PARN: variants seen among roughly 807,000 people sequenced by gnomAD.
The protein encoded by PARN is poly(A)-specific ribonuclease.
A neutral mutation model predicts 102.8 loss-of-function variants in PARN; 71 were observed. That is an observed-to-expected ratio of 0.69 (90% CI 0.57 to 0.84). The LOEUF (loss-of-function observed/expected upper bound fraction) is 0.84, where lower values mean the gene tolerates loss of function less well. PARN is among the 40% of genes least tolerant of loss of function. The pLI is 0.00. For missense variants in PARN, 782 were observed against 760.9 expected, an observed-to-expected ratio of 1.03 and a Z score of -0.33; for synonymous variants, 261 against 252.9, an observed-to-expected ratio of 1.03 and a Z score of -0.30.
intron 21 of PARN, among the ~76,000 whole-genome samples, chr16:14,543,367 T>C (rs1479323202): frequency 6.6e-6 from 1 of 152,208 alleles, no homozygotes; most frequent in Non-Finnish European, 1.5e-5. Flanking sequence ...GAAACCTGGA[T>C]CTTCAGGCAT....
At chr16:14,497,363 C>T (rs1428350393) in intron 21 of PARN, among the ~76,000 whole-genome samples, 1 of 152,186 alleles carries the variant, frequency 6.6e-6, no homozygotes, top group African/African-American at 2.4e-5. Context: ...TCACAGCCTG[C>T]GTGTAACTGA....
intron 22 of PARN, among the ~76,000 whole-genome samples, chr16:14,466,024 G>GA (rs1201976224): frequency 6.6e-6 from 1 of 152,080 alleles, no homozygotes; most frequent in African/African-American, 2.4e-5. Context: ...AGGAGGATCA[G>GA]AAAAAAGTAA....
intron 7 of PARN, 103 bp downstream of exon 7, chr16:14,610,541 C>T (rs1215354517): frequency 1.0e-5 from 7 of 667,022 alleles, no homozygotes; most frequent in Non-Finnish European, 1.8e-5. Context: ...ACATCACACC[C>T]GTGTGTGTAC....
intron 21 of PARN, among the ~76,000 whole-genome samples, chr16:14,493,528 A>G (rs997803801): frequency 6.6e-6 from 1 of 152,202 alleles, no homozygotes. Flanking sequence ...CTCATTCAAT[A>G]AACACTGGCA....
chr16:14,561,330 T>C (rs112894234), intron 18 of PARN, among the ~76,000 whole-genome samples: 20 of 152,194 alleles, frequency 1.3e-4, no homozygotes, highest in Admixed American at 4.6e-4. Context: ...ACCTGGGAAC[T>C]TGTTAGAGAT....
chr16:14,475,565 A>C (rs749030271), intron 22 of PARN, among the ~76,000 whole-genome samples: 1 of 152,220 alleles, frequency 6.6e-6, no homozygotes, highest in Non-Finnish European at 1.5e-5. Context: ...GAAAGAAAAG[A>C]AGCACACTGC....
At chr16:14,564,263 T>C (rs536340612) in intron 18 of PARN, among the ~76,000 whole-genome samples, 260 of 152,352 alleles carry the variant, frequency 1.7e-3, no homozygotes, top group Non-Finnish European at 3.0e-3. Flanking sequence ...GTGCTCAGGA[T>C]ACAACATCCC....
intron 18 of PARN, among the ~76,000 whole-genome samples, chr16:14,575,348 G>T (rs975892942): frequency 6.6e-6 from 1 of 152,210 alleles, no homozygotes; most frequent in Non-Finnish European, 1.5e-5. Flanking sequence ...GAGGGAGGTT[G>T]TAACCCTGCA....
At chr16:14,608,565 T>G (rs1019931713) in intron 8 of PARN, among the ~76,000 whole-genome samples, 1 of 152,164 alleles carries the variant, frequency 6.6e-6, no homozygotes. Flanking sequence ...ATCAAAATAT[T>G]GCTTCCTGCA....
chr16:14,593,414 A>G (rs544325650), intron 12 of PARN, 36 bp from the exon 13 acceptor site: 4 of 996,582 alleles, frequency 4.0e-6, no homozygotes, highest in South Asian at 2.6e-5. Flanking sequence ...AGACTTCTAC[A>G]TTCGAAATTA....
intron 7 of PARN, among the ~76,000 whole-genome samples, chr16:14,610,244 G>A (rs966286231): frequency 2.2e-4 from 33 of 152,132 alleles, no homozygotes; most frequent in African/African-American, 7.0e-4. Context: ...AGGCTGAGGC[G>A]GGCAGATCAC....
At chr16:14,602,174 C>T (rs934198062) in intron 11 of PARN, 1 of 151,990 alleles carries the variant, frequency 6.6e-6, no homozygotes, top group Non-Finnish European at 1.5e-5. Context: ...GGGCTGAATC[C>T]AACAGCCATG....
At position 14,586,368 on chromosome 16, in the gene PARN, A is replaced by G. The variant is rs1184111391; in HGVS notation, c.919-7T>C. 7 of 1,505,678 alleles carry G rather than the reference A, an allele frequency of 4.6e-6. No homozygotes were observed. The highest frequency in any genetic ancestry group is 6.3e-6 in the Non-Finnish European group (7 of 1,103,050). 93.3% of individuals were successfully genotyped at this position (1,505,678 alleles called of 1,614,324 possible). A position where few individuals can be genotyped will look rare whatever the true frequency, so the allele number is the denominator to read the frequency against. On this transcript the variant is annotated splice_region_variant and splice_polypyrimidine_tract_variant and intron_variant, in intron 13 of 23. Transcript: ENST00000437198. The stretch of plus-strand genomic sequence containing the variant: ...CTTTAAACTCACTTAAGTCCTAAAG[A>G]ACAAGAGAAGGACTTGTTACAATTT...
intron 22 of PARN, among the ~76,000 whole-genome samples, chr16:14,472,067 A>G (rs2151585177): frequency 6.6e-6 from 1 of 152,314 alleles, no homozygotes; most frequent in South Asian, 2.1e-4. Flanking sequence ...CTGGTCCAAG[A>G]GATGTCAAAG....
At position 14,457,960 on chromosome 16, in the gene PARN, CAG is replaced by C. The variant is rs1961765593; in HGVS notation, c.1671-10881_1671-10880del. Among the ~76,000 whole-genome samples, 4 of 150,006 alleles carry C rather than the reference CAG, an allele frequency of 2.7e-5. No individual in the cohort carries two copies. The South Asian group carries it at 8.4e-4, about 32-fold the overall frequency. Reference sequence around the variant, plus strand: ...TGTGTGTGTGTGTGAGAGAGAGAGACAGAGAAAACATGAATGCATTGTGTATC... The same window carrying C: ...TGTGTGTGTGTGTGAGAGAGAGAGACAGAAAACATGAATGCATTGTGTATC... On this transcript the variant is annotated intron_variant, in intron 22 of 23. Transcript: ENST00000437198.
chr16:14,483,698 G>A (rs923633225), intron 21 of PARN, among the ~76,000 whole-genome samples: 2 of 151,308 alleles, frequency 1.3e-5, no homozygotes, highest in African/African-American at 2.4e-5. Flanking sequence ...TTCACTGGAC[G>A]AAGGCGCCTC....
intron 18 of PARN, among the ~76,000 whole-genome samples, chr16:14,570,372 G>A (rs1269886995): frequency 4.0e-5 from 6 of 149,484 alleles, no homozygotes; most frequent in Non-Finnish European, 3.0e-5. Context: ...AAAGAGGGCC[G>A]GGCCCTGTGG....
Position 14,552,088 on chromosome 16 carries a change from A to G in PARN, c.1413T>C (p.Ile471=), listed in dbSNP as rs371869778. 3.1e-5 allele frequency: 50 copies of G among 1,604,950 alleles called. No homozygotes were observed. In the African/African-American group the frequency reaches 6.1e-4, roughly 20 times the overall value. The change falls in exon 21 of 24, where the codon ATT becomes ATC. Residue 471 remains isoleucine (I), a synonymous_variant. Coordinates refer to ENST00000437198, the MANE Select transcript of PARN (RefSeq NM_002582.4). ...ATGTGTCATCAATCCAGGATATCTG[A>G]ATGTTACCTGCAATCGCAAATTAAA... The part of the protein sequence containing the change: ...LYQLFSAFGN[I]QISWIDDTSA...
At chr16:14,500,232 T>A (rs1307741023) in intron 21 of PARN, among the ~76,000 whole-genome samples, 1 of 151,942 alleles carries the variant, frequency 6.6e-6, no homozygotes, top group Non-Finnish European at 1.5e-5. Flanking sequence ...ATTTAAAAAT[T>A]TTTTTTGTAG....
Sources: allele counts gnomAD v4.1 joint callset (sites outside exome capture counted in the v4.1 genomes callset), GRCh38; gene constraint gnomAD v4.1.1; transcripts MANE v1.5; gene names NCBI Gene and HGNC (gene_info 2026-07-23, HGNC 2026-07-21).